The following ARFIP1 variants were observed in gnomAD, a reference collection of about 807,000 sequenced individuals.
ARFIP1 encodes ARF interacting protein 1, also known as arfaptin-1.
Under a neutral mutation model 42.5 loss-of-function variants are expected in ARFIP1, and 24 were observed. The ratio of observed to expected loss-of-function variants is 0.57; its 90% confidence interval spans 0.41 to 0.80. The LOEUF is 0.80. Among genes scored for constraint, ARFIP1 ranks in the 30% least tolerant of loss-of-function variants. ARFIP1 has a pLI of 0.00. For synonymous variants in ARFIP1, 141 were observed against 153.7 expected, an observed-to-expected ratio of 0.92 and a Z score of 0.61; for missense variants, 354 against 434.0, an observed-to-expected ratio of 0.82 and a Z score of 1.64.
At chr4:152,908,189 C>A (rs1345948653) in intron 8 of ARFIP1, among the ~76,000 whole-genome samples, 3 of 152,080 alleles carry the variant, frequency 2.0e-5, no homozygotes, top group Non-Finnish European at 4.4e-5. Flanking sequence ...TTTAATTGGG[C>A]TGTTTTTGGT....
chr4:152,795,820 ATTTTTTTTTTTTTTTTT>A (rs56845391), intron 1 of ARFIP1, among the ~76,000 whole-genome samples: 335 of 28,076 alleles, frequency 0.012, 15 homozygotes, highest in Middle Eastern at 0.02. Context: ...GGCCCTTGTA[ATTTTTTTTTTTTTTTTT>A]TTTTTTTTTT....
chr4:152,871,379 A>G (rs957821558), intron 4 of ARFIP1, among the ~76,000 whole-genome samples: 1 of 152,212 alleles, frequency 6.6e-6, no homozygotes, highest in Non-Finnish European at 1.5e-5. Context: ...CTTTACATTC[A>G]ATTTGCTCTG....
At chr4:152,867,223 C>T (rs1043150412) in intron 3 of ARFIP1, among the ~76,000 whole-genome samples, 18 of 152,214 alleles carry the variant, frequency 1.2e-4, no homozygotes, top group African/African-American at 3.9e-4. Flanking sequence ...ACTGAGCGAA[C>T]GAGACTCCGT....
intron 1 of ARFIP1, among the ~76,000 whole-genome samples, chr4:152,817,281 A>G (rs577411079): frequency 1.3e-5 from 2 of 152,206 alleles, no homozygotes; most frequent in African/African-American, 2.4e-5. Context: ...AGTAGCCACA[A>G]ATAATCTAGA....
intron 1 of ARFIP1, among the ~76,000 whole-genome samples, chr4:152,804,121 TTA>T (rs567050006): frequency 0.01 from 1,128 of 107,820 alleles, 3 homozygotes; most frequent in South Asian, 0.068. Context: ...ATAACATGTA[TTA>T]TATATTATAT....
chr4:152,782,018 G>A (rs901949108), intron 1 of ARFIP1, among the ~76,000 whole-genome samples: 3 of 152,206 alleles, frequency 2.0e-5, no homozygotes, highest in Admixed American at 2.0e-4. Context: ...CTTAGGCAGT[G>A]TCTTGTTGAA....
chr4:152,864,859 T>C (rs1020764551), intron 3 of ARFIP1, among the ~76,000 whole-genome samples: 2 of 151,584 alleles, frequency 1.3e-5, no homozygotes, highest in Non-Finnish European at 2.9e-5. Flanking sequence ...CTATTTTTAA[T>C]AGAAAAATAT....
intron 1 of ARFIP1, among the ~76,000 whole-genome samples, chr4:152,820,067 C>A (rs1360435093): frequency 6.6e-6 from 1 of 152,036 alleles, no homozygotes; most frequent in Non-Finnish European, 1.5e-5. Flanking sequence ...AACACTGGGT[C>A]AAGAGTGTGA....
chr4:152,804,284 A>T lies in ARFIP1; in HGVS notation c.-10+24058A>T. On this transcript the variant is annotated intron_variant, in intron 1 of 8. Coordinates refer to ENST00000353617, the MANE Select transcript of ARFIP1 (RefSeq NM_001025595.3). ...TATTATATATTATATATATAACATA[A>T]CATGTATTATATATATTATATATAT... 3.8e-5 allele frequency among the ~76,000 whole-genome samples: 3 copies of T among 79,176 alleles called. 1 individual carries two copies. The highest frequency in any genetic ancestry group is 1.7e-4 in the African/African-American group (3 of 17,700). 51.9% of individuals were successfully genotyped at this position (79,176 alleles called of 152,430 possible).
At chr4:152,807,699 CTG>C (rs1729095843) in intron 1 of ARFIP1, among the ~76,000 whole-genome samples, 1 of 150,724 alleles carries the variant, frequency 6.6e-6, no homozygotes, top group South Asian at 2.1e-4. Context: ...TTCTCCTAGT[CTG>C]TGGTTCACCT....
intron 2 of ARFIP1, among the ~76,000 whole-genome samples, chr4:152,853,884 C>G (rs1346824159): frequency 6.9e-6 from 1 of 145,524 alleles, no homozygotes; most frequent in Admixed American, 6.8e-5. Flanking sequence ...TTCAAAAGAC[C>G]TGTCTTCAAG....
chr4:152,781,291 A>C (rs1730480350), intron 1 of ARFIP1, among the ~76,000 whole-genome samples: 1 of 132,754 alleles, frequency 7.5e-6, no homozygotes, highest in Non-Finnish European at 1.5e-5. Flanking sequence ...GCTGGAGTGC[A>C]TTGGCACGAT....
At chr4:152,806,398 C>G (rs1157613019) in intron 1 of ARFIP1, among the ~76,000 whole-genome samples, 1 of 152,078 alleles carries the variant, frequency 6.6e-6, no homozygotes, top group African/African-American at 2.4e-5. Flanking sequence ...TCACACACAC[C>G]TCCCGCCACC....
chr4:152,910,054 C>G lies in ARFIP1; in HGVS notation c.967-10C>G. On this transcript the variant is annotated splice_polypyrimidine_tract_variant and intron_variant, in intron 8 of 8. Coordinates refer to ENST00000353617, the MANE Select transcript of ARFIP1 (RefSeq NM_001025595.3). ...TAATGCTTGGTCTTGTAACTCTGCC[C>G]TGTCCACAGGTTAAAGTATTGCACA... 6.2e-7 allele frequency: 1 copy of G among 1,613,102 alleles called. No homozygotes were observed.
At chr4:152,829,230 A>C (rs574528001) in intron 1 of ARFIP1, among the ~76,000 whole-genome samples, 1 of 152,210 alleles carries the variant, frequency 6.6e-6, no homozygotes, top group East Asian at 1.9e-4. Context: ...ACCTAATTCT[A>C]CTCTGCCCTG....
rs771661005 is a variant in ARFIP1 at position 152,847,124 on chromosome 4, C to CTTTTT, written c.94-16462_94-16458dup. The stretch of plus-strand genomic sequence containing the variant: ...GTATGTTAATGTTTTTAGGTTTGTT[C>CTTTTT]TTTTTTTTTTTTTTTTTTTTTTTTG... On this transcript the variant is annotated intron_variant, in intron 2 of 8. Coordinates refer to ENST00000353617, the MANE Select transcript of ARFIP1 (RefSeq NM_001025595.3). 2.6e-3 allele frequency among the ~76,000 whole-genome samples: 104 copies of CTTTTT among 40,554 alleles called. 24 individuals carry two copies. Among genetic ancestry groups the CTTTTT allele is most frequent in the East Asian group, 0.026 (36 of 1,410 alleles). 26.6% of individuals were successfully genotyped at this position (40,554 alleles called of 152,430 possible).
chr4:152,865,495 T>A (rs1201532372), intron 3 of ARFIP1, among the ~76,000 whole-genome samples: 1 of 152,180 alleles, frequency 6.6e-6, no homozygotes, highest in African/African-American at 2.4e-5. Context: ...ACAGTTTAGA[T>A]TTTGAAGTAT....
chr4:152,848,951 G>A (rs1461580225), intron 2 of ARFIP1, among the ~76,000 whole-genome samples: 2 of 152,116 alleles, frequency 1.3e-5, no homozygotes, highest in African/African-American at 4.8e-5. Flanking sequence ...TTTGATGGGG[G>A]CTTTTTCAGA....
chr4:152,785,895 G>T (rs1055281953), intron 1 of ARFIP1, among the ~76,000 whole-genome samples: 1 of 152,158 alleles, frequency 6.6e-6, no homozygotes, highest in Non-Finnish European at 1.5e-5. Context: ...TGTGGCTGGT[G>T]GCTACTTTAT....
Sources: gnomAD v4.1 joint callset for allele counts (sites outside exome capture counted in the v4.1 genomes callset) on GRCh38, gnomAD v4.1.1 for gene constraint, MANE v1.5 for transcripts, NCBI Gene and HGNC (gene_info 2026-07-23, HGNC 2026-07-21) for gene names.